Variants in LYRM4 observed in about 807,000 individuals in gnomAD.
LYRM4 encodes the protein LYR motif containing 4.
In LYRM4, 9 loss-of-function variants were observed where a neutral mutation model predicts 11.7. That is an observed-to-expected ratio of 0.77 (90% CI 0.46 to 1.34). The LOEUF (loss-of-function observed/expected upper bound fraction) is 1.34, where lower values mean the gene tolerates loss of function less well. LYRM4 is among the 40% of genes most tolerant of loss of function. The probability of loss-of-function intolerance (pLI) is 0.00; values close to 1 mark genes in which losing one functional copy is unlikely to be tolerated. For synonymous variants in LYRM4, 42 were observed against 40.4 expected, an observed-to-expected ratio of 1.04 and a Z score of -0.15; for missense variants, 133 against 112.5, an observed-to-expected ratio of 1.18 and a Z score of -0.82.
chr6:5,204,870 C>A (rs1761599192), intron 2 of LYRM4, among the ~76,000 whole-genome samples: 1 of 152,256 alleles, frequency 6.6e-6, no homozygotes, highest in Non-Finnish European at 1.5e-5. Flanking sequence ...CATCATCTCA[C>A]TTTGTCTATT....
At chr6:5,175,633 A>G (rs531584458) in intron 2 of LYRM4, among the ~76,000 whole-genome samples, 29 of 152,258 alleles carry the variant, frequency 1.9e-4, no homozygotes, top group Non-Finnish European at 3.5e-4. Flanking sequence ...ACATTTTGTG[A>G]CACCCCTGCC....
At chr6:5,125,441 C>T (rs771327983) in intron 2 of LYRM4, among the ~76,000 whole-genome samples, 2 of 152,346 alleles carry the variant, frequency 1.3e-5, no homozygotes, top group South Asian at 2.1e-4. Flanking sequence ...GTCAGTTCCT[C>T]GAGCACAGTG....
chr6:5,126,911 A>G (rs986255331), intron 2 of LYRM4, among the ~76,000 whole-genome samples: 1 of 152,160 alleles, frequency 6.6e-6, no homozygotes, highest in African/African-American at 2.4e-5. Flanking sequence ...GATTGTAGTG[A>G]TGCTGGCACA....
At chr6:5,155,903 C>T (rs1758385406) in intron 2 of LYRM4, among the ~76,000 whole-genome samples, 1 of 152,224 alleles carries the variant, frequency 6.6e-6, no homozygotes, top group Non-Finnish European at 1.5e-5. Flanking sequence ...CATTAGTTGT[C>T]TCCTATGGCT....
chr6:5,196,214 G>A (rs1344041640), intron 2 of LYRM4, among the ~76,000 whole-genome samples: 2 of 152,134 alleles, frequency 1.3e-5, no homozygotes, highest in African/African-American at 4.8e-5. Context: ...ATCATCTGGC[G>A]CAGATATCAT....
chr6:5,127,651 T>C (rs1763757181), intron 2 of LYRM4, among the ~76,000 whole-genome samples: 1 of 152,242 alleles, frequency 6.6e-6, no homozygotes, highest in African/African-American at 2.4e-5. Flanking sequence ...TTGTATTGCT[T>C]AAATGACAAT....
At chr6:5,064,566 T>C in the LYRM4 span, among the ~76,000 whole-genome samples, 1 of 152,196 alleles carries the variant, frequency 6.6e-6, no homozygotes, top group African/African-American at 2.4e-5. Flanking sequence ...ATTAACTTTT[T>C]GCTTAAAATT....
chr6:5,244,487 T>G (rs537115110), intron 1 of LYRM4, among the ~76,000 whole-genome samples: 26 of 152,184 alleles, frequency 1.7e-4, no homozygotes, highest in African/African-American at 6.3e-4. Flanking sequence ...TCTGAAGATC[T>G]CAGGGGATGG....
chr6:5,186,644 T>C (rs1760410774), intron 2 of LYRM4: 3 of 984,576 alleles, frequency 3.0e-6, no homozygotes, highest in Middle Eastern at 5.2e-4. Context: ...GAATTCAGCA[T>C]GACACAAAAT....
downstream of LYRM4, chr6:5,106,501 G>A (rs1762668705): frequency 6.6e-6 from 1 of 152,288 alleles, no homozygotes; most frequent in Non-Finnish European, 1.5e-5. Context: ...ATTAACGGGA[G>A]AGGCTGTGGA....
chr6:5,131,376 C>T (rs983754397), intron 2 of LYRM4, among the ~76,000 whole-genome samples: 2 of 152,108 alleles, frequency 1.3e-5, no homozygotes, highest in Admixed American at 1.3e-4. Context: ...ACTAAATACA[C>T]ACACATGTAT....
At chr6:5,154,990 C>G (rs6904712) in intron 2 of LYRM4, among the ~76,000 whole-genome samples, 13,495 of 152,174 alleles carry the variant, frequency 0.089, 1,142 homozygotes, top group African/African-American at 0.22. Flanking sequence ...GGATGGGATG[C>G]ATAGACGGAG....
intron 2 of LYRM4, among the ~76,000 whole-genome samples, chr6:5,179,427 C>G (rs1282263689): frequency 2.0e-5 from 3 of 152,138 alleles, no homozygotes; most frequent in African/African-American, 4.8e-5. Flanking sequence ...TCAGTCTCCC[C>G]CAACCCCTCA....
At chr6:5,057,693 C>T in the LYRM4 span, among the ~76,000 whole-genome samples, 7 of 148,620 alleles carry the variant, frequency 4.7e-5, no homozygotes, top group South Asian at 2.2e-4. Flanking sequence ...CTAGCCTGGG[C>T]GACAGAGCGA....
At chr6:5,188,293 C>T (rs186445683) in intron 2 of LYRM4, among the ~76,000 whole-genome samples, 1 of 151,812 alleles carries the variant, frequency 6.6e-6, no homozygotes, top group Admixed American at 6.6e-5. Flanking sequence ...GTGGGAGGAT[C>T]GCTTGAGCAC....
rs1375781331 is a variant in LYRM4, at chr6:5,109,452, T to C, written c.247A>G (p.Ile83Val). The change falls in exon 3 of 3, where the codon ATT (isoleucine) becomes GTT (valine). Residue 83 changes from isoleucine (I) to valine (V), a missense_variant. Ile to Val is a conservative substitution (Grantham distance 29, BLOSUM62 3). Coordinates refer to ENST00000330636, the MANE Select transcript of LYRM4 (RefSeq NM_020408.6). ...GTCCTGGGCATGTCTCGATTCTCAA[T>C]GATCAGCTTGTCAGTTGAATACAGT... ...GQLYSTDKLI[I>V]ENRDMPRT is the part of the protein sequence containing the mutation. 3.7e-6 allele frequency: 6 copies of C among 1,614,122 alleles called. No homozygotes were observed. The East Asian group carries it at 1.3e-4, about 36-fold the overall frequency.
At chr6:5,094,811 G>A in the LYRM4 span, among the ~76,000 whole-genome samples, 3 of 152,294 alleles carry the variant, frequency 2.0e-5, no homozygotes, top group African/African-American at 7.2e-5. Context: ...GAATGTAAGC[G>A]ATGTAGTACT....
intron 2 of LYRM4, among the ~76,000 whole-genome samples, chr6:5,170,719 AAC>A (rs1759379013): frequency 6.6e-6 from 1 of 152,214 alleles, no homozygotes; most frequent in Admixed American, 6.5e-5. Flanking sequence ...GTTAAAAACA[AAC>A]ACACACCCTT....
chr6:5,082,626 C>T, the LYRM4 span, among the ~76,000 whole-genome samples: 1 of 152,230 alleles, frequency 6.6e-6, no homozygotes, highest in African/African-American at 2.4e-5. Flanking sequence ...TGGCAACAGC[C>T]TCCTATGGGG....
Sources: gnomAD v4.1 joint callset for allele counts (sites outside exome capture counted in the v4.1 genomes callset) on GRCh38, gnomAD v4.1.1 for gene constraint, MANE v1.5 for transcripts, NCBI Gene and HGNC (gene_info 2026-07-23, HGNC 2026-07-21) for gene names.